The following RIPOR2 variants were observed in gnomAD, a reference collection of about 807,000 sequenced individuals.
RIPOR2 encodes the protein rho family-interacting cell polarization regulator 2.
A neutral mutation model predicts 114.5 loss-of-function variants in RIPOR2; 39 were observed. The ratio of observed to expected loss-of-function variants is 0.34; its 90% CI spans 0.26 to 0.44. The LOEUF is 0.44. Among genes scored for constraint, RIPOR2 ranks in the 20% least tolerant of loss-of-function variants. The pLI is 1.00. For synonymous variants in RIPOR2, 445 were observed against 484.4 expected (o/e 0.92, Z 1.07); for missense variants, 1,007 against 1,255.1 (o/e 0.80, Z 2.99).
At position 24,835,706 on chromosome 6, in the gene RIPOR2, C is replaced by T. The variant is rs1314263634; in HGVS notation, c.2205G>A (p.Val735=). Residue 735 remains valine, a synonymous_variant, in exon 15 of 22, where the codon GTG becomes GTA. Transcript: ENST00000643898. ...ACAAATTCATCGCTGATCCTACCTG[C>T]ACGAGTTGGGTGCAGTACTGGAGGT... ...VRHLQYCTQL[V]QQIVFSSKTP... The T allele has an allele frequency of 1.3e-6, 2 of 1,551,500 alleles. No homozygotes were observed. The highest frequency in any genetic ancestry group is 2.7e-5 in the African/African-American group (2 of 73,038).
chr6:24,934,382 C>T (rs944361957), intron 1 of RIPOR2, among the ~76,000 whole-genome samples: 3 of 152,148 alleles, frequency 2.0e-5, no homozygotes, highest in East Asian at 1.9e-4. Flanking sequence ...TAAACAGCAG[C>T]GAAGCTCAAT....
intron 1 of RIPOR2, among the ~76,000 whole-genome samples, chr6:25,033,484 C>T (rs944217770): frequency 4.6e-5 from 7 of 152,138 alleles, no homozygotes; most frequent in Non-Finnish European, 1.0e-4. Flanking sequence ...TTCCAAGAAG[C>T]CCTCATTCCA....
chr6:24,976,065 A>G lies in RIPOR2; in HGVS notation c.76+65786T>C, dbSNP rs544381125. Among the ~76,000 whole-genome samples the G allele has an allele frequency of 1.5e-4, 23 of 152,324 alleles. No individual in the cohort carries two copies. The East Asian group carries it at 4.0e-3, about 27-fold the overall frequency. On this transcript the variant is annotated intron_variant, in intron 1 of 13. Coordinates refer to the RIPOR2 transcript ENST00000510784. Reference sequence around the variant, plus strand: ...TTAACACCTAAAGAAATGCTAGCGGAAAGGTTAACTGGTTCAGCCTTTTTG... The same window carrying G: ...TTAACACCTAAAGAAATGCTAGCGGGAAGGTTAACTGGTTCAGCCTTTTTG...
chr6:24,852,057 C>G (rs754131350), intron 9 of RIPOR2, among the ~76,000 whole-genome samples: 38 of 151,916 alleles, frequency 2.5e-4, no homozygotes, highest in Non-Finnish European at 4.6e-4. Context: ...GTCAGGAGTT[C>G]AAGACCAGCC....
chr6:24,852,193 C>T (rs1389646073), intron 9 of RIPOR2, among the ~76,000 whole-genome samples: 1 of 152,040 alleles, frequency 6.6e-6, no homozygotes, highest in Non-Finnish European at 1.5e-5. Context: ...ATCCAGGTGG[C>T]AGAGGTTGCA....
intron 1 of RIPOR2, chr6:24,877,277 C>T: frequency 1.0e-6 from 1 of 985,362 alleles, no homozygotes; most frequent in Non-Finnish European, 1.2e-6. Context: ...GCCTCCTCCC[C>T]CATGTTGCTG....
At chr6:24,827,467 C>T (rs1339805830) in intron 18 of RIPOR2, among the ~76,000 whole-genome samples, 1 of 152,220 alleles carries the variant, frequency 6.6e-6, no homozygotes, top group African/African-American at 2.4e-5. Context: ...TTCCTCTTGT[C>T]CCTTTTAACC....
chr6:25,014,689 G>A (rs188219066), intron 1 of RIPOR2, among the ~76,000 whole-genome samples: 14 of 152,328 alleles, frequency 9.2e-5, no homozygotes, highest in Non-Finnish European at 1.8e-4. Context: ...AGATACAGCA[G>A]TAGTGGGAAG....
At chr6:24,880,493 A>G (rs1766239957) in intron 1 of RIPOR2, among the ~76,000 whole-genome samples, 1 of 152,216 alleles carries the variant, frequency 6.6e-6, no homozygotes, top group African/African-American at 2.4e-5. Flanking sequence ...TCTTTTCTGT[A>G]TTATATTTTT....
rs1316673461 is a variant in RIPOR2 at position 25,026,052 on chromosome 6, T to TG, written c.76+15798_76+15799insC. Among the ~76,000 whole-genome samples the TG allele has an allele frequency of 3.3e-5, 5 of 152,088 alleles. No individual in the cohort carries two copies. The East Asian group carries it at 9.6e-4, about 29-fold the overall frequency. On this transcript the variant is annotated intron_variant, in intron 1 of 13. Transcript: ENST00000510784. ...AAAGTTACAAAGATTGTTGTTTTTT[T>TG]TTTTTGTTTCTGAGTCACAAGCAAG...
chr6:24,972,903 G>A (rs1396357001), intron 1 of RIPOR2, among the ~76,000 whole-genome samples: 2 of 152,186 alleles, frequency 1.3e-5, no homozygotes, highest in Non-Finnish European at 2.9e-5. Context: ...GGTGGAGACA[G>A]GGATAGAATT....
chr6:24,885,684 T>C (rs965233260), intron 1 of RIPOR2, among the ~76,000 whole-genome samples: 2 of 152,242 alleles, frequency 1.3e-5, no homozygotes, highest in Non-Finnish European at 2.9e-5. Flanking sequence ...CCCAGTTTTC[T>C]CATTTATATA....
chr6:24,821,153 G>A (rs1485376869), intron 19 of RIPOR2, among the ~76,000 whole-genome samples: 3 of 149,558 alleles, frequency 2.0e-5, no homozygotes, highest in South Asian at 2.1e-4. Context: ...GATTACAGGC[G>A]TGAGCCACCG....
At chr6:24,919,745 C>T (rs1770336579) in intron 1 of RIPOR2, among the ~76,000 whole-genome samples, 1 of 152,206 alleles carries the variant, frequency 6.6e-6, no homozygotes, top group African/African-American at 2.4e-5. Flanking sequence ...AGAAGTGCCT[C>T]TCAGCTGTGG....
At chr6:24,847,570 G>C in intron 12 of RIPOR2, 1 of 1,551,636 alleles carries the variant, frequency 6.4e-7, no homozygotes, top group Non-Finnish European at 8.7e-7. Flanking sequence ...CTTGGGACTC[G>C]GCCTGAGGGA....
At chr6:24,926,731 C>T (rs927313194) in intron 1 of RIPOR2, among the ~76,000 whole-genome samples, 1 of 152,134 alleles carries the variant, frequency 6.6e-6, no homozygotes, top group Non-Finnish European at 1.5e-5. Flanking sequence ...ATCGCCGTTA[C>T]ATAATAACTG....
At position 24,832,350 on chromosome 6, in the gene RIPOR2, A is replaced by T. The variant is rs1760756115; in HGVS notation, c.2250T>A (p.Ser750Arg). The stretch of plus-strand genomic sequence containing the variant: ...TCTGCCTAGAAAGCTTCTCTAAGAG[A>T]CTTCTTGCCACAAATGGGGTTTTGC... ...FSSKTPFVAR[S>R]LLEKLSRQIQ... The change falls in exon 16 of 22, where the codon AGT (serine) becomes AGA (arginine). Residue 750 changes from serine (S) to arginine (R), a missense_variant. Coordinates refer to ENST00000643898, the MANE Select transcript of RIPOR2 (RefSeq NM_001286445.3). The T allele has an allele frequency of 1.3e-6, 2 of 1,551,988 alleles. No homozygotes were observed. Among genetic ancestry groups the T allele is most frequent in the Non-Finnish European group, 1.7e-6 (2 of 1,146,990 alleles).
At chr6:24,959,329 G>A (rs991555468) in intron 1 of RIPOR2, among the ~76,000 whole-genome samples, 16 of 152,194 alleles carry the variant, frequency 1.1e-4, no homozygotes, top group Non-Finnish European at 2.2e-4. Flanking sequence ...TGGAGTTAAT[G>A]TAATTAATGC....
intron 21 of RIPOR2, among the ~76,000 whole-genome samples, chr6:24,808,782 C>T (rs774523816): frequency 2.9e-5 from 4 of 139,364 alleles, no homozygotes; most frequent in African/African-American, 1.1e-4. Context: ...TTTTTTGAGA[C>T]AGAGTCTTGC....
Sources: gnomAD v4.1 joint callset for allele counts (sites outside exome capture counted in the v4.1 genomes callset) on GRCh38, gnomAD v4.1.1 for gene constraint, MANE v1.5 for transcripts, NCBI Gene and HGNC (gene_info 2026-07-23, HGNC 2026-07-21) for gene names.